The following MAP7 variants were observed in gnomAD, a reference collection of about 807,000 sequenced individuals.
MAP7 encodes the protein ensconsin.
Under a neutral mutation model 94.8 loss-of-function variants are expected in MAP7, and 52 were observed. The ratio of observed to expected loss-of-function variants is 0.55; its 90% CI spans 0.44 to 0.69. MAP7 has a LOEUF of 0.69. Ranked by LOEUF, MAP7 falls within the 30% of genes least tolerant of loss-of-function variation. The pLI is 0.00. For synonymous variants in MAP7, 350 were observed against 357.0 expected (o/e 0.98, Z 0.22); for missense variants, 940 against 964.6 (o/e 0.97, Z 0.34).
chr6:136,503,036 T>C (rs1451751395), intron 1 of MAP7, among the ~76,000 whole-genome samples: 9 of 152,194 alleles, frequency 5.9e-5, no homozygotes, highest in Non-Finnish European at 1.3e-4. Context: ...CTTTTAATTA[T>C]TCATGCTAAT....
intron 3 of MAP7, among the ~76,000 whole-genome samples, chr6:136,402,466 C>T (rs917895566): frequency 2.0e-5 from 3 of 152,194 alleles, no homozygotes; most frequent in Non-Finnish European, 4.4e-5. Flanking sequence ...CCCCACAACA[C>T]GGTGCTCCTG....
At chr6:136,405,717 C>T (rs928470516) in intron 3 of MAP7, among the ~76,000 whole-genome samples, 5 of 152,154 alleles carry the variant, frequency 3.3e-5, no homozygotes, top group African/African-American at 7.2e-5. Context: ...ATGAGGACAC[C>T]GGTTGGGAGC....
chr6:136,411,713 A>G lies in MAP7; in HGVS notation c.167-16T>C. The G allele has an allele frequency of 6.5e-7, 1 of 1,550,184 alleles. No individual in the cohort carries two copies. Among genetic ancestry groups the G allele is most frequent in the East Asian group, 2.4e-5 (1 of 41,408 alleles). ...GGCGGAGGGTCTGAAAGCGAGATTA[A>G]AAAAAACATGAGATGAAGAGTGGAT... is the stretch of plus-strand genomic sequence containing the variant. On this transcript the variant is annotated splice_polypyrimidine_tract_variant and intron_variant, in intron 2 of 17. Coordinates refer to ENST00000354570, the MANE Select transcript of MAP7 (RefSeq NM_003980.6).
chr6:136,454,229 A>C (rs1802045226), intron 1 of MAP7, among the ~76,000 whole-genome samples: 2 of 152,050 alleles, frequency 1.3e-5, no homozygotes, highest in Admixed American at 1.3e-4. Flanking sequence ...ATAAAATGCT[A>C]ATTTGGATTT....
chr6:136,501,746 A>G (rs1235637245), intron 1 of MAP7, among the ~76,000 whole-genome samples: 2 of 152,152 alleles, frequency 1.3e-5, no homozygotes, highest in Non-Finnish European at 2.9e-5. Context: ...CAGAACAGAG[A>G]GAATAGACAG....
intron 7 of MAP7, among the ~76,000 whole-genome samples, chr6:136,375,736 AG>A (rs1269721494): frequency 6.6e-6 from 1 of 152,230 alleles, no homozygotes; most frequent in Non-Finnish European, 1.5e-5. Flanking sequence ...CAAAACAGGC[AG>A]CTCAAGTAAA....
At chr6:136,344,271 AT>A in intron 17 of MAP7, 33 bp from the exon 18 acceptor site, 1 of 1,156,574 alleles carries the variant, frequency 8.6e-7, no homozygotes, top group Non-Finnish European at 1.2e-6. Flanking sequence ...AACAAGATTA[AT>A]ATGACATTTA....
chr6:136,523,844 G>T (rs564609801), intron 1 of MAP7, among the ~76,000 whole-genome samples: 222 of 152,218 alleles, frequency 1.5e-3, no homozygotes, highest in Middle Eastern at 3.4e-3. Context: ...TAGGTTTTTC[G>T]AAGCATCTTC....
chr6:136,514,720 C>A (rs950197753), intron 1 of MAP7, among the ~76,000 whole-genome samples: 1 of 151,858 alleles, frequency 6.6e-6, no homozygotes. Context: ...GTCTCAATAG[C>A]GGGCTTAAAA....
chr6:136,372,601 G>A lies in MAP7; in HGVS notation c.776C>T (p.Pro259Leu), dbSNP rs748553022. ...EAASCSPIIM[P>L]YKAAHSRNSM... ...ATTTCTAGAGTGTGCAGCTTTGTAGGGCATGATGATGGGGCTGCAAGATGC... is the reference window on the plus strand; with the variant it reads ...ATTTCTAGAGTGTGCAGCTTTGTAGAGCATGATGATGGGGCTGCAAGATGC... The change falls in exon 8 of 18, where the codon CCC becomes CTC. Residue 259 changes from proline to leucine, a missense_variant. By Grantham distance (98) the Pro-to-Leu change is moderately conservative. Transcript: ENST00000354570. The A allele has an allele frequency of 1.2e-6, 2 of 1,614,006 alleles. No individual in the cohort carries two copies. Among genetic ancestry groups the A allele is most frequent in the South Asian group, 1.1e-5 (1 of 91,082 alleles).
At chr6:136,505,234 T>C (rs1006844302) in intron 1 of MAP7, among the ~76,000 whole-genome samples, 1 of 145,354 alleles carries the variant, frequency 6.9e-6, no homozygotes, top group Non-Finnish European at 1.5e-5. Flanking sequence ...CTCAATTGTA[T>C]ATTACATTTC....
intron 1 of MAP7, among the ~76,000 whole-genome samples, chr6:136,516,959 GA>G (rs1360090720): frequency 4.8e-5 from 6 of 125,518 alleles, no homozygotes; most frequent in Non-Finnish European, 8.1e-5. Context: ...ACATCAGAAG[GA>G]AAAAAAAACC....
At chr6:136,382,487 TA>T (rs1345508018) in intron 6 of MAP7, among the ~76,000 whole-genome samples, 1 of 152,068 alleles carries the variant, frequency 6.6e-6, no homozygotes, top group Non-Finnish European at 1.5e-5. Flanking sequence ...GGTTTGAAAA[TA>T]AAGAATATGA....
At chr6:136,521,439 T>A (rs1333562972) in intron 1 of MAP7, among the ~76,000 whole-genome samples, 1 of 152,116 alleles carries the variant, frequency 6.6e-6, no homozygotes, top group South Asian at 2.1e-4. Context: ...TTGAGGGAGA[T>A]GATAATTTTG....
intron 1 of MAP7, among the ~76,000 whole-genome samples, chr6:136,427,156 C>T (rs938379253): frequency 1.3e-5 from 2 of 152,174 alleles, no homozygotes; most frequent in Non-Finnish European, 2.9e-5. Context: ...AGAGTAGAGT[C>T]AGTGTGGTCA....
intron 1 of MAP7, among the ~76,000 whole-genome samples, chr6:136,507,255 C>T (rs2129021177): frequency 6.6e-6 from 1 of 151,960 alleles, no homozygotes; most frequent in East Asian, 1.9e-4. Flanking sequence ...AAGGATACCT[C>T]ATGTGAATTT....
intron 2 of MAP7, 26 bp downstream of exon 2, chr6:136,421,674 TC>T (rs776983210): frequency 6.4e-7 from 1 of 1,572,776 alleles, no homozygotes; most frequent in Non-Finnish European, 8.8e-7. Context: ...ACCTTTATTT[TC>T]CCACAGTTAA....
At chr6:136,456,825 A>AGAAGAAGAAGAAGAAG (rs1803300229) in intron 1 of MAP7, among the ~76,000 whole-genome samples, 2 of 120,144 alleles carry the variant, frequency 1.7e-5, no homozygotes, top group East Asian at 4.9e-4. Flanking sequence ...AGAAGAAGGA[A>AGAAGAAGAAGAAGAAG]GAAGAAGAAG....
At chr6:136,366,525 T>C (rs1408012579) in intron 8 of MAP7, 86 bp from the exon 9 acceptor site, 34 of 929,920 alleles carry the variant, frequency 3.7e-5, no homozygotes, top group South Asian at 8.2e-5. Context: ...CTAGAAACCA[T>C]TGAATGACTT....
Sources: gnomAD v4.1 joint callset for allele counts (sites outside exome capture counted in the v4.1 genomes callset) on GRCh38, gnomAD v4.1.1 for gene constraint, MANE v1.5 for transcripts, NCBI Gene and HGNC (gene_info 2026-07-23, HGNC 2026-07-21) for gene names.